The following STRBP variants were observed in gnomAD, a reference collection of about 807,000 sequenced individuals.
The protein encoded by STRBP is spermatid perinuclear RNA-binding protein.
In STRBP, 13 loss-of-function variants were observed where a neutral mutation model predicts 80.1. That is an observed-to-expected ratio of 0.16 (90% CI 0.11 to 0.26). STRBP has a LOEUF of 0.26. Among genes scored for constraint, STRBP ranks in the 10% least tolerant of loss-of-function variants. The probability of loss-of-function intolerance (pLI) is 1.00; values close to 1 mark genes in which losing one functional copy is unlikely to be tolerated. For synonymous variants in STRBP, 284 were observed against 291.2 expected (o/e 0.98, Z 0.25); for missense variants, 485 against 815.2 (o/e 0.59, Z 4.93).
chr9:123,243,709 A>G (rs1470491684), intron 1 of STRBP, among the ~76,000 whole-genome samples: 1 of 152,258 alleles, frequency 6.6e-6, no homozygotes, highest in East Asian at 1.9e-4. Flanking sequence ...ATGGCAAATA[A>G]GCATATGAAA....
In STRBP at chr9:123,122,486, A is replaced by C. The variant is rs1295124473; in HGVS notation, c.*3111T>G. ...AAGGCCAATACCAGCAAAATCTCTCAGTGGTTTGTTCCCCAGGCTAACAAT... is the reference window on the plus strand; with the variant it reads ...AAGGCCAATACCAGCAAAATCTCTCCGTGGTTTGTTCCCCAGGCTAACAAT... On this transcript the variant is annotated 3_prime_UTR_variant, in exon 19 of 19. Transcript: ENST00000348403. The C allele has an allele frequency of 8.4e-7, 1 of 1,194,696 alleles. No individual in the cohort carries two copies. Among genetic ancestry groups the C allele is most frequent in the Non-Finnish European group, 1.1e-6 (1 of 950,598 alleles). The allele number at this position is 1,194,696 out of a possible 1,614,324, so 74.0% of individuals were successfully genotyped here. A position where few individuals can be genotyped will look rare whatever the true frequency, so the allele number is the denominator to read the frequency against.
Position 123,115,038 on chromosome 9 carries a change from C to A in STRBP, c.*84+891G>T, listed in dbSNP as rs1435774391. 8.1e-6 allele frequency: 3 copies of A among 371,298 alleles called. No homozygotes were observed. Among genetic ancestry groups the A allele is most frequent in the Non-Finnish European group, 1.7e-5 (3 of 178,776 alleles). The allele number at this position is 371,298 out of a possible 1,614,324, so 23.0% of individuals were successfully genotyped here. A position where few individuals can be genotyped will look rare whatever the true frequency, so the allele number is the denominator to read the frequency against. The stretch of plus-strand genomic sequence containing the variant: ...TTGGCTATCCAACTGTCCCAATCGA[C>A]CCTCTGGAACTCACTATTGTGGACA... On this transcript the variant is annotated intron_variant and NMD_transcript_variant, in intron 3 of 3. Transcript: ENST00000471564. The surrounding 1 kb of genome is among the most constrained non-coding windows in gnomAD (Gnocchi z 5.0).
intron 2 of STRBP, among the ~76,000 whole-genome samples, chr9:123,190,514 T>C (rs1220464116): frequency 3.3e-5 from 5 of 151,122 alleles, no homozygotes; most frequent in Non-Finnish European, 1.5e-5. Flanking sequence ...CAATTACTTA[T>C]CAATAGCTAA....
At chr9:123,266,706 CCCA>C (rs946371524) in intron 1 of STRBP, among the ~76,000 whole-genome samples, 4 of 151,882 alleles carry the variant, frequency 2.6e-5, no homozygotes, top group Non-Finnish European at 4.4e-5. Context: ...TCCTATTTCC[CCCA>C]CCACCACCAC....
At chr9:123,194,373 A>G (rs1270569495) in intron 2 of STRBP, among the ~76,000 whole-genome samples, 1 of 152,018 alleles carries the variant, frequency 6.6e-6, no homozygotes, top group Non-Finnish European at 1.5e-5. Context: ...CCTACTTGGG[A>G]TGTCACTCAG....
intron 2 of STRBP, among the ~76,000 whole-genome samples, chr9:123,225,102 T>C (rs1369613385): frequency 6.6e-6 from 1 of 152,180 alleles, no homozygotes; most frequent in Admixed American, 6.5e-5. Flanking sequence ...TACATAAAGT[T>C]TGAAAACAGG....
chr9:123,266,014 C>A (rs1455007635), intron 1 of STRBP, among the ~76,000 whole-genome samples: 1 of 152,158 alleles, frequency 6.6e-6, no homozygotes, highest in African/African-American at 2.4e-5. Flanking sequence ...GACCCATTAC[C>A]CAGAAAGCAC....
At chr9:123,159,272 G>T in intron 8 of STRBP, 65 bp from the exon 9 acceptor site, 9 of 1,148,874 alleles carry the variant, frequency 7.8e-6, no homozygotes, top group Non-Finnish European at 1.2e-5. Flanking sequence ...AGTTAAATGT[G>T]AGCTAACATT....
intron 2 of STRBP, among the ~76,000 whole-genome samples, chr9:123,195,137 C>T (rs539263719): frequency 1.3e-5 from 2 of 151,994 alleles, no homozygotes; most frequent in Admixed American, 1.3e-4. Context: ...CAAAACAAAA[C>T]AAAACAAAAA....
At chr9:123,246,656 A>C (rs1202574752) in intron 1 of STRBP, among the ~76,000 whole-genome samples, 1 of 152,236 alleles carries the variant, frequency 6.6e-6, no homozygotes, top group Non-Finnish European at 1.5e-5. Flanking sequence ...TAAAGTGATA[A>C]GGCCATTTTT....
At chr9:123,182,217 T>TAAAAA (rs10546358) in intron 3 of STRBP, among the ~76,000 whole-genome samples, 16 of 69,796 alleles carry the variant, frequency 2.3e-4, no homozygotes, top group African/African-American at 5.0e-4. Context: ...TCCGTTTCTT[T>TAAAAA]AAAAAAAAAA....
chr9:123,245,717 C>T (rs938046034), intron 1 of STRBP, among the ~76,000 whole-genome samples: 14 of 152,198 alleles, frequency 9.2e-5, no homozygotes, highest in Admixed American at 5.2e-4. Flanking sequence ...TCAGGTAATT[C>T]TAACGTTCAA....
Position 123,126,637 on chromosome 9 carries a change from A to G in STRBP, c.1943-964T>C, listed in dbSNP as rs901865635. Among the ~76,000 whole-genome samples the G allele has an allele frequency of 3.9e-5, 6 of 152,220 alleles. No homozygotes were observed. Among genetic ancestry groups the G allele is most frequent in the African/African-American group, 1.2e-4 (5 of 41,454 alleles). ...GAATGTAACTTAGAATCTAGATATT[A>G]AAGTATTTTCAAAGGAAAAATCGAG... is the stretch of plus-strand genomic sequence containing the variant. On this transcript the variant is annotated intron_variant, in intron 18 of 18. Coordinates refer to ENST00000348403, the MANE Select transcript of STRBP (RefSeq NM_018387.5). This position sits in a 1 kb window ranked among gnomAD's most constrained non-coding sequence, Gnocchi z 4.4.
chr9:123,123,435 C>T lies in STRBP; in HGVS notation c.*2162G>A, dbSNP rs2035793187. The T allele has an allele frequency of 4.1e-6, 4 of 984,702 alleles. No individual in the cohort carries two copies. The African/African-American group carries it at 5.3e-5, about 13-fold the overall frequency. The allele number at this position is 984,702 out of a possible 1,614,324, so 61.0% of individuals were successfully genotyped here. A position where few individuals can be genotyped will look rare whatever the true frequency, so the allele number is the denominator to read the frequency against. On this transcript the variant is annotated 3_prime_UTR_variant, in exon 19 of 19. Coordinates refer to ENST00000348403, the MANE Select transcript of STRBP (RefSeq NM_018387.5). ...GTTACCACTTCTAACAAAGGACTGA[C>T]AGCTCGATTATTTTAAGTAAAGCAG... is the stretch of plus-strand genomic sequence containing the variant.
chr9:123,205,110 AC>A (rs1418151672), intron 2 of STRBP, among the ~76,000 whole-genome samples: 1 of 152,080 alleles, frequency 6.6e-6, no homozygotes, highest in Non-Finnish European at 1.5e-5. Flanking sequence ...TACTAAAAAT[AC>A]AAAAATTAGC....
chr9:123,227,189 T>A (rs1472919403), intron 2 of STRBP, among the ~76,000 whole-genome samples: 2 of 152,180 alleles, frequency 1.3e-5, no homozygotes, highest in Non-Finnish European at 2.9e-5. Context: ...CAATCAATGT[T>A]AAATGTTATG....
intron 1 of STRBP, among the ~76,000 whole-genome samples, chr9:123,254,452 G>A (rs1230041014): frequency 4.3e-5 from 5 of 117,084 alleles, no homozygotes; most frequent in African/African-American, 1.3e-4. Flanking sequence ...GTGAGACTCC[G>A]TCTCAAAAAA....
At chr9:123,192,299 G>A (rs1405072611) in intron 2 of STRBP, among the ~76,000 whole-genome samples, 3 of 152,150 alleles carry the variant, frequency 2.0e-5, no homozygotes, top group Non-Finnish European at 4.4e-5. Flanking sequence ...AAGGGAGTGG[G>A]TGTACCAATG....
At chr9:123,150,711 G>A (rs1033157918) in intron 11 of STRBP, among the ~76,000 whole-genome samples, 1 of 152,178 alleles carries the variant, frequency 6.6e-6, no homozygotes, top group Non-Finnish European at 1.5e-5. Flanking sequence ...GAACTGAAGA[G>A]AGTAATGTCA....
Sources: gnomAD v4.1 joint callset for allele counts (sites outside exome capture counted in the v4.1 genomes callset) on GRCh38, gnomAD v4.1.1 for gene constraint, Gnocchi (gnomAD v3.1) non-coding constraint, MANE v1.5 for transcripts, NCBI Gene and HGNC (gene_info 2026-07-23, HGNC 2026-07-21) for gene names.